Variants in CNTNAP2 observed in about 807,000 individuals in gnomAD.
The protein encoded by CNTNAP2 is contactin-associated protein-like 2.
Under a neutral mutation model 155.2 loss-of-function variants are expected in CNTNAP2, and 98 were observed. The ratio of observed to expected loss-of-function variants is 0.63; its 90% CI spans 0.54 to 0.75. The LOEUF is 0.75. Among genes scored for constraint, CNTNAP2 ranks in the 30% least tolerant of loss-of-function variants. The pLI, the probability that CNTNAP2 is intolerant of heterozygous loss-of-function variation, is 0.00. For synonymous variants in CNTNAP2, 651 were observed against 631.2 expected (o/e 1.03, Z -0.47); for missense variants, 1,727 against 1,688.1 (o/e 1.02, Z -0.40).
chr7:148,377,366 G>A lies in CNTNAP2; in HGVS notation c.3476-6283G>A, dbSNP rs1184055595. 2.9e-5 allele frequency among the ~76,000 whole-genome samples: 2 copies of A among 68,318 alleles called. 1 individual carries two copies. Among genetic ancestry groups the A allele is most frequent in the Non-Finnish European group, 8.2e-5 (2 of 24,308 alleles). The allele number at this position is 68,318 out of a possible 152,430, so 44.8% of individuals were successfully genotyped here. ...AACCACTGTTCTACGTGTGAGGCCT[G>A]TGGAGGGTTTATACAGCAATGAGTG... is the stretch of plus-strand genomic sequence containing the variant. On this transcript the variant is annotated intron_variant, in intron 21 of 23. Transcript: ENST00000361727.
chr7:147,512,308 A>G (rs1410955775), intron 11 of CNTNAP2, among the ~76,000 whole-genome samples: 1 of 152,180 alleles, frequency 6.6e-6, no homozygotes, highest in African/African-American at 2.4e-5. Flanking sequence ...ACTTTTCTTG[A>G]TAGAGAGAAT....
intron 3 of CNTNAP2, among the ~76,000 whole-genome samples, chr7:146,960,280 T>C (rs1165166817): frequency 1.3e-5 from 2 of 152,226 alleles, no homozygotes; most frequent in African/African-American, 2.4e-5. Context: ...TACTATACTT[T>C]CTTTAAACAT....
At chr7:148,052,746 C>G (rs1434853992) in intron 15 of CNTNAP2, among the ~76,000 whole-genome samples, 1 of 152,086 alleles carries the variant, frequency 6.6e-6, no homozygotes, top group African/African-American at 2.4e-5. Context: ...TAACAGTATT[C>G]CTTAAAAATA....
At chr7:146,936,525 G>C (rs1373928167) in intron 3 of CNTNAP2, among the ~76,000 whole-genome samples, 1 of 152,164 alleles carries the variant, frequency 6.6e-6, no homozygotes, top group African/African-American at 2.4e-5. Context: ...TCAAAATTGA[G>C]AAAATGACCA....
chr7:146,568,198 A>G (rs1257363673), intron 1 of CNTNAP2, among the ~76,000 whole-genome samples: 3 of 152,114 alleles, frequency 2.0e-5, no homozygotes, highest in African/African-American at 7.2e-5. Flanking sequence ...GAGATAACAG[A>G]AGGATTGATG....
chr7:146,121,230 G>A (rs1250327615), intron 1 of CNTNAP2, among the ~76,000 whole-genome samples: 2 of 139,758 alleles, frequency 1.4e-5, no homozygotes, highest in East Asian at 2.3e-4. Flanking sequence ...CTGGGTTCAC[G>A]CCATTCTCCT....
intron 1 of CNTNAP2, among the ~76,000 whole-genome samples, chr7:146,215,933 A>C (rs1799105974): frequency 6.6e-6 from 1 of 152,188 alleles, no homozygotes; most frequent in Admixed American, 6.5e-5. Flanking sequence ...TCTTAGATGA[A>C]GATTCATACA....
intron 4 of CNTNAP2, among the ~76,000 whole-genome samples, chr7:147,099,511 T>C (rs756365435): frequency 3.9e-5 from 6 of 152,112 alleles, no homozygotes; most frequent in Non-Finnish European, 8.8e-5. Context: ...CGTTTACTCA[T>C]AGGGATAATT....
At chr7:148,306,379 G>T (rs1563034518) in intron 21 of CNTNAP2, among the ~76,000 whole-genome samples, 1 of 152,024 alleles carries the variant, frequency 6.6e-6, no homozygotes, top group South Asian at 2.1e-4. Flanking sequence ...TAGATTTTGG[G>T]GGACAATTTC....
intron 1 of CNTNAP2, among the ~76,000 whole-genome samples, chr7:146,275,905 C>T (rs700272): frequency 0.5 from 76,254 of 152,058 alleles, 23,487 homozygotes; most frequent in African/African-American, 0.87. Flanking sequence ...TTTGGCAATG[C>T]CTGGAGACAT....
intron 1 of CNTNAP2, among the ~76,000 whole-genome samples, chr7:146,763,219 C>G (rs1250648733): frequency 1.3e-5 from 2 of 152,124 alleles, no homozygotes; most frequent in South Asian, 2.1e-4. Context: ...CCACCTTGTT[C>G]CTGCTCCGAG....
At chr7:147,679,966 C>T (rs144482746) in intron 13 of CNTNAP2, among the ~76,000 whole-genome samples, 2 of 151,562 alleles carry the variant, frequency 1.3e-5, no homozygotes, top group African/African-American at 2.4e-5. Context: ...TGAATATCTT[C>T]GTTTCTTTTT....
chr7:147,133,906 T>C (rs538356759), intron 8 of CNTNAP2, among the ~76,000 whole-genome samples: 1 of 152,098 alleles, frequency 6.6e-6, no homozygotes, highest in Non-Finnish European at 1.5e-5. Context: ...AAATGATTAA[T>C]CAACCATATT....
rs116876434 is a variant in CNTNAP2, at chr7:148,226,176, G to A, written c.3248-3470G>A. Among the ~76,000 whole-genome samples the A allele has an allele frequency of 3.9e-4, 60 of 152,112 alleles. No homozygotes were observed. The East Asian group carries it at 5.6e-3, about 14-fold the overall frequency. ...ATTTTGAAGATTGCTGATAAGTACA[G>A]GTGTTTCTGTAGCTTATTAATAAAA... is the stretch of plus-strand genomic sequence containing the variant. On this transcript the variant is annotated intron_variant, in intron 19 of 23. Transcript: ENST00000361727.
At chr7:147,386,469 C>T (rs1354230931) in intron 9 of CNTNAP2, among the ~76,000 whole-genome samples, 1 of 152,124 alleles carries the variant, frequency 6.6e-6, no homozygotes, top group East Asian at 1.9e-4. Context: ...GAAATTGCTT[C>T]TGCCAGATAC....
At chr7:146,553,671 T>C (rs780084444) in intron 1 of CNTNAP2, among the ~76,000 whole-genome samples, 26 of 152,172 alleles carry the variant, frequency 1.7e-4, no homozygotes, top group Non-Finnish European at 3.4e-4. Context: ...TAATCCAATG[T>C]AGGATATTAT....
At chr7:146,612,254 C>T (rs570073188) in intron 1 of CNTNAP2, among the ~76,000 whole-genome samples, 1 of 152,202 alleles carries the variant, frequency 6.6e-6, no homozygotes, top group African/African-American at 2.4e-5. Flanking sequence ...AAATAGCATA[C>T]TCTCTCATAC....
intron 21 of CNTNAP2, among the ~76,000 whole-genome samples, chr7:148,317,676 A>G (rs1234342559): frequency 6.6e-6 from 1 of 152,132 alleles, no homozygotes; most frequent in Non-Finnish European, 1.5e-5. Context: ...CTGTAACAGT[A>G]GATAAGGTCT....
chr7:147,489,945 G>C (rs1798576607), intron 11 of CNTNAP2, among the ~76,000 whole-genome samples: 1 of 152,094 alleles, frequency 6.6e-6, no homozygotes, highest in Admixed American at 6.6e-5. Flanking sequence ...CTAGTTCCTT[G>C]TGTGGAACTG....
Sources: gnomAD v4.1 joint callset for allele counts (sites outside exome capture counted in the v4.1 genomes callset) on GRCh38, gnomAD v4.1.1 for gene constraint, MANE v1.5 for transcripts, NCBI Gene and HGNC (gene_info 2026-07-23, HGNC 2026-07-21) for gene names.